The following PERM1 variants were observed in gnomAD, a reference collection of about 807,000 sequenced individuals.
The protein encoded by PERM1 is PPARGC1 and ESRR induced regulator, muscle 1, also known as PGC-1 and ERR-induced regulator in muscle protein 1.
A neutral mutation model predicts 44.1 loss-of-function variants in PERM1; 45 were observed. The ratio of observed to expected loss-of-function variants is 1.02; its 90% confidence interval spans 0.80 to 1.31. The LOEUF (loss-of-function observed/expected upper bound fraction) is 1.31, where lower values mean the gene tolerates loss of function less well. Ranked by LOEUF, PERM1 falls within the 50% of genes most tolerant of loss-of-function variation. The probability of loss-of-function intolerance (pLI) is 0.00; values close to 1 mark genes in which losing one functional copy is unlikely to be tolerated. For synonymous variants in PERM1, 565 were observed against 477.1 expected (o/e 1.18, Z -2.40); for missense variants, 1,189 against 1,106.9 (o/e 1.07, Z -1.05).
chr1:980,646 G>A (rs1302524055), exon 1 of PERM1: 3 of 1,439,712 alleles, frequency 2.1e-6, no homozygotes, highest in Admixed American at 5.9e-5. Flanking sequence ...CCGGACCAGG[G>A]CAGGATGAGA....
exon 1 of PERM1, chr1:979,773 T>A: frequency 1.3e-6 from 2 of 1,550,300 alleles, no homozygotes; most frequent in Non-Finnish European, 1.7e-6. Context: ...GCTTAGCCAC[T>A]GGGCCTGCTG....
At chr1:976,651 C>T (rs1291528323) in intron 1 of PERM1, 27 bp from the exon 3 acceptor site, 2 of 1,548,712 alleles carry the variant, frequency 1.3e-6, no homozygotes, top group Admixed American at 2.0e-5. Context: ...CCTTCAGCCC[C>T]ACGGCTGCAC....
chr1:978,270 C>T (rs1643681138), intron 1 of PERM1, among the ~76,000 whole-genome samples: 1 of 149,504 alleles, frequency 6.7e-6, no homozygotes, highest in Non-Finnish European at 1.5e-5. Context: ...CATCATGGGA[C>T]ATGTCTGTCC....
At chr1:980,441 C>G in exon 1 of PERM1, 1 of 1,544,494 alleles carries the variant, frequency 6.5e-7, no homozygotes, top group Non-Finnish European at 8.7e-7. Flanking sequence ...GCAGAGGCTC[C>G]TGTGTGCCCA....
exon 1 of PERM1, chr1:980,570 G>A (rs1643769300): frequency 1.4e-6 from 2 of 1,456,812 alleles, no homozygotes. Flanking sequence ...GGACTCCCAG[G>A]GGGCTCACCA....
At chr1:979,504 G>T (rs772188045) in exon 1 of PERM1, 2 of 1,549,902 alleles carry the variant, frequency 1.3e-6, no homozygotes, top group Non-Finnish European at 1.7e-6. Flanking sequence ...GCTGGGCCCA[G>T]CCACGGAGAA....
exon 1 of PERM1, chr1:979,003 G>A (rs937415720): frequency 7.2e-6 from 11 of 1,530,684 alleles, no homozygotes; most frequent in South Asian, 6.1e-5. Context: ...CGGGACAGCC[G>A]GCCCCAGCAC....
chr1:979,671 G>A (rs776964907), exon 1 of PERM1: 28 of 1,550,156 alleles, frequency 1.8e-5, no homozygotes, highest in East Asian at 7.3e-5. Context: ...GGCCAGCGGC[G>A]TCGGCTCTGG....
chr1:981,322 A>T (rs187393318), upstream of PERM1: 309 of 779,656 alleles, frequency 4.0e-4, 3 homozygotes, highest in African/African-American at 4.6e-3. Flanking sequence ...GCGGTGTTAC[A>T]TTCCTAGAAT....
exon 3 of PERM1, chr1:976,132 C>A: frequency 2.6e-6 from 4 of 1,536,898 alleles, no homozygotes; most frequent in South Asian, 2.4e-5. Flanking sequence ...CGCCTGTGGT[C>A]GTCTCCTCAT....
exon 1 of PERM1, chr1:979,694 A>T (rs887605365): frequency 1.3e-6 from 2 of 1,550,290 alleles, no homozygotes; most frequent in Admixed American, 2.0e-5. Flanking sequence ...ACAGGTGTAG[A>T]CACAAGCCCG....
exon 1 of PERM1, chr1:980,644 G>C: frequency 2.8e-6 from 4 of 1,439,762 alleles, no homozygotes; most frequent in South Asian, 3.0e-5. Flanking sequence ...CGCCGGACCA[G>C]GGCAGGATGA....
intron 1 of PERM1, among the ~76,000 whole-genome samples, chr1:978,448 C>G (rs1643686897): frequency 6.6e-6 from 1 of 152,204 alleles, no homozygotes; most frequent in East Asian, 1.9e-4. Context: ...CTTCTTCTGC[C>G]TGAGATTTGG....
chr1:975,929 C>G, exon 3 of PERM1: 1 of 520,306 alleles, frequency 1.9e-6, no homozygotes, highest in Non-Finnish European at 3.4e-6. Context: ...ACCCTCCTAC[C>G]CAGCCACCTG....
rs138838217 is a variant in PERM1 at position 978,710 on chromosome 1, C to T, written c.2149+171G>A. On this transcript the variant is annotated intron_variant, in intron 1 of 2. Transcript: ENST00000433179. ...AACAACCCGGGTGCTTGGACTGGGC[C>T]GCCCCATCTGGACTGTGTGCTGGGA... is the stretch of plus-strand genomic sequence containing the variant. 1.5e-3 allele frequency among the ~76,000 whole-genome samples: 224 copies of T among 152,332 alleles called. 1 individual carries two copies. The highest frequency in any genetic ancestry group is 2.6e-3 in the Non-Finnish European group (176 of 68,026).
At chr1:981,247 T>G (rs2100508022), upstream of PERM1, 13 of 1,466,804 alleles carry the variant, frequency 8.9e-6, no homozygotes, top group Non-Finnish European at 1.2e-5. Context: ...ATTTCCAAGT[T>G]AGAAGATCCC....
chr1:978,438 C>T (rs1271947138), intron 1 of PERM1, among the ~76,000 whole-genome samples: 2 of 152,212 alleles, frequency 1.3e-5, no homozygotes, highest in Non-Finnish European at 2.9e-5. Context: ...CGCCCCCGTG[C>T]TTCTTCTGCC....
chr1:978,876 C>G lies in PERM1; in HGVS notation c.2149+5G>C, dbSNP rs774113351. ...GGACGGGCTGTGGGATCCGAGAGCACGTACCTGCCCGTCTAAGAGCCAGGT... is the reference window on the plus strand; with the variant it reads ...GGACGGGCTGTGGGATCCGAGAGCAGGTACCTGCCCGTCTAAGAGCCAGGT... On this transcript the variant is annotated splice_donor_5th_base_variant and intron_variant, in intron 1 of 2. Coordinates refer to ENST00000433179, the Ensembl canonical transcript of PERM1. 5.4e-6 allele frequency: 8 copies of G among 1,473,992 alleles called. No individual in the cohort carries two copies. Among genetic ancestry groups the G allele is most frequent in the Non-Finnish European group, 7.2e-6 (8 of 1,108,852 alleles). 91.3% of individuals were successfully genotyped at this position (1,473,992 alleles called of 1,614,324 possible).
chr1:979,609 G>A (rs1033283314), exon 1 of PERM1: 13 of 1,550,080 alleles, frequency 8.4e-6, no homozygotes, highest in African/African-American at 5.5e-5. Flanking sequence ...AGACACAACC[G>A]CCTCCATCTC....
Sources: allele counts gnomAD v4.1 joint callset (sites outside exome capture counted in the v4.1 genomes callset), GRCh38; gene constraint gnomAD v4.1.1; transcripts MANE v1.5; gene names NCBI Gene and HGNC (gene_info 2026-07-23, HGNC 2026-07-21).